Variants in ZNF639 observed in about 807,000 individuals in gnomAD.
ZNF639 encodes zinc finger protein 639, also known as zinc finger amplified in esophageal squamous cell carcinomas 1.
In ZNF639, 20 loss-of-function variants were observed where a neutral mutation model predicts 39.8. That is an observed-to-expected ratio of 0.50 (90% CI 0.35 to 0.73). ZNF639 has a LOEUF of 0.73. Among genes scored for constraint, ZNF639 ranks in the 30% least tolerant of loss-of-function variants. The pLI is 0.00. For synonymous variants in ZNF639, 176 were observed against 189.8 expected, an observed-to-expected ratio of 0.93 and a Z score of 0.60; for missense variants, 477 against 566.2, an observed-to-expected ratio of 0.84 and a Z score of 1.60.
rs909602304 is a variant in ZNF639, at chr3:179,334,638, A to G, written c.*216A>G. On this transcript the variant is annotated 3_prime_UTR_variant, in exon 6 of 6. Coordinates refer to ENST00000496856, the MANE Select transcript of ZNF639 (RefSeq NM_001303426.2). ...AATTGCGTGATAGTTTGTAGTTTCA[A>G]CCACTCTTGGTGACTGTCATCCTGT... 7.0e-5 allele frequency: 21 copies of G among 298,980 alleles called. No homozygotes were observed. The highest frequency in any genetic ancestry group is 1.1e-4 in the South Asian group (1 of 9,076). The allele number at this position is 298,980 out of a possible 1,614,324, so 18.5% of individuals were successfully genotyped here.
In ZNF639 at chr3:179,334,268, A is replaced by G. The variant is rs1728095061; in HGVS notation, c.1304A>G (p.Tyr435Cys). The stretch of plus-strand genomic sequence containing the variant: ...TCTGAAGGGATTTATTTATGTCAAT[A>G]TTGTGAATATTCAACAGGACAAATT... Reference protein sequence around the residue: ...HLSEGIYLCQYCEYSTGQIED... With the variant: ...HLSEGIYLCQCCEYSTGQIED... The change falls in exon 6 of 6, where the codon TAT becomes TGT. Residue 435 changes from tyrosine (Y) to cysteine (C), a missense_variant. Physicochemically the swap from Tyr to Cys is radical, Grantham distance 194. Transcript: ENST00000496856. 1.2e-6 allele frequency: 2 copies of G among 1,612,852 alleles called. No homozygotes were observed. Among genetic ancestry groups the G allele is most frequent in the Non-Finnish European group, 1.7e-6 (2 of 1,179,318 alleles).
chr3:179,324,701 A>G (rs747240351), intron 1 of ZNF639, among the ~76,000 whole-genome samples: 3 of 152,196 alleles, frequency 2.0e-5, no homozygotes, highest in Non-Finnish European at 4.4e-5. Flanking sequence ...CCTCTCACCT[A>G]ACAGCCTGAA....
rs1465059840 is a variant in ZNF639 at position 179,332,998 on chromosome 3, C to G, written c.179C>G (p.Ser60Cys). 6.5e-7 allele frequency: 1 copy of G among 1,548,148 alleles called. No homozygotes were observed. Among genetic ancestry groups the G allele is most frequent in the Non-Finnish European group, 8.7e-7 (1 of 1,146,222 alleles). The change falls in exon 5 of 6, where the codon TCT becomes TGT. Residue 60 changes from serine (S) to cysteine (C), a missense_variant. Transcript: ENST00000496856. ...AAATCCCTTTTTACAGATGATGATTCTGATACCGAGACGTCAAATGACTTG... is the reference window on the plus strand; with the variant it reads ...AAATCCCTTTTTACAGATGATGATTGTGATACCGAGACGTCAAATGACTTG... ...LKYFDNKDDD[S>C]DTETSNDLPK...
At chr3:179,331,642 G>A (rs1727915040) in intron 4 of ZNF639, among the ~76,000 whole-genome samples, 2 of 152,044 alleles carry the variant, frequency 1.3e-5, no homozygotes, top group African/African-American at 4.8e-5. Flanking sequence ...GGGCGTGGTG[G>A]TGCGTGCCTG....
At chr3:179,330,203 G>C (rs1727830839) in intron 4 of ZNF639, 1 of 152,118 alleles carries the variant, frequency 6.6e-6, no homozygotes, top group Non-Finnish European at 1.5e-5. Context: ...GAGCCACCGT[G>C]CCCGGCTGTA....
At chr3:179,325,201 A>C (rs967697688) in intron 1 of ZNF639, 4 of 152,318 alleles carry the variant, frequency 2.6e-5, no homozygotes, top group African/African-American at 9.7e-5. Context: ...TTGTATTTTC[A>C]GTCGAGACGG....
At chr3:179,324,381 G>C (rs1727464909) in intron 1 of ZNF639, among the ~76,000 whole-genome samples, 1 of 152,110 alleles carries the variant, frequency 6.6e-6, no homozygotes, top group Non-Finnish European at 1.5e-5. Flanking sequence ...TTTCTGCAGT[G>C]ACACGTGTTA....
chr3:179,329,909 C>CTTTTTTTTTTTTTTT (rs71181282), intron 4 of ZNF639, 181 bp downstream of exon 4: 1 of 201,806 alleles, frequency 5.0e-6, no homozygotes, highest in African/African-American at 3.4e-5. Context: ...TTTAACTATT[C>CTTTTTTTTTTTTTTT]TTTTTTTTTT....
In ZNF639 at chr3:179,324,175, G is replaced by A. The variant is rs181074587; in HGVS notation, c.-83+884G>A. Among the ~76,000 whole-genome samples, 147 of 152,268 alleles carry A rather than the reference G, an allele frequency of 9.7e-4. 1 individual carries two copies. Among genetic ancestry groups the A allele is most frequent in the African/African-American group, 3.4e-3 (140 of 41,554 alleles). On this transcript the variant is annotated intron_variant, in intron 1 of 5. Transcript: ENST00000496856. ...TAAAAATGGAGTTATTTACTGTAAA[G>A]ACGTCTTACAGCAATTAGGAAGAAT...
chr3:179,324,385 C>T (rs1471159353), intron 1 of ZNF639, among the ~76,000 whole-genome samples: 2 of 151,956 alleles, frequency 1.3e-5, no homozygotes, highest in East Asian at 1.9e-4. Flanking sequence ...TGCAGTGACA[C>T]GTGTTACATA....
At chr3:179,324,467 G>A (rs1727471677) in intron 1 of ZNF639, among the ~76,000 whole-genome samples, 2 of 152,214 alleles carry the variant, frequency 1.3e-5, no homozygotes, top group Admixed American at 1.3e-4. Flanking sequence ...CTGCTAAGAA[G>A]ACTAGTGAGC....
rs933711941 is a variant in ZNF639, at chr3:179,328,216, G to C, written c.-11-67G>C. On this transcript the variant is annotated intron_variant, in intron 2 of 5. Coordinates refer to ENST00000496856, the MANE Select transcript of ZNF639 (RefSeq NM_001303426.2). ...ATATTGCCAATAAATTCTTCAGTTA[G>C]AATTTTTATAACGTCATTAACAGTT... 3.3e-6 allele frequency: 3 copies of C among 912,770 alleles called. No homozygotes were observed. In the East Asian group the frequency reaches 8.0e-5, roughly 24 times the overall value. 56.5% of individuals were successfully genotyped at this position (912,770 alleles called of 1,614,324 possible). A position where few individuals can be genotyped will look rare whatever the true frequency, so the allele number is the denominator to read the frequency against.
rs930538131 is a variant in ZNF639, at chr3:179,337,877, C to T, written c.*3455C>T. 2 of 152,102 alleles carry T rather than the reference C, an allele frequency of 1.3e-5. No homozygotes were observed. The highest frequency in any genetic ancestry group is 6.6e-5 in the Admixed American group (1 of 15,234). The allele number at this position is 152,102 out of a possible 1,614,324, so 9.4% of individuals were successfully genotyped here. On this transcript the variant is annotated 3_prime_UTR_variant, in exon 6 of 6. Transcript: ENST00000496856. ...CTGCCTCCCGGGTTTAAGCAATTCTCCTGCCTCAGCCTCCCGAGTAGCTGG... is the reference window on the plus strand; with the variant it reads ...CTGCCTCCCGGGTTTAAGCAATTCTTCTGCCTCAGCCTCCCGAGTAGCTGG...
At chr3:179,326,528 T>C (rs1358195971) in intron 1 of ZNF639, among the ~76,000 whole-genome samples, 1 of 152,192 alleles carries the variant, frequency 6.6e-6, no homozygotes, top group African/African-American at 2.4e-5. Flanking sequence ...TACGATTACA[T>C]AGGATTAAAT....
rs1297407202 is a variant in ZNF639 at position 179,335,721 on chromosome 3, C to G, written c.*1299C>G. ...TGTCCTTGGCTTGTAGATGGATAGC[C>G]TCATGTTCACATGGTGTTCTCCCTG... On this transcript the variant is annotated 3_prime_UTR_variant, in exon 6 of 6. Transcript: ENST00000496856. 1.3e-5 allele frequency: 2 copies of G among 150,150 alleles called. No individual in the cohort carries two copies. Among genetic ancestry groups the G allele is most frequent in the Non-Finnish European group, 2.9e-5 (2 of 67,898 alleles). 9.3% of individuals were successfully genotyped at this position (150,150 alleles called of 1,614,324 possible).
chr3:179,332,572 T>C (rs1727975976), intron 4 of ZNF639, among the ~76,000 whole-genome samples: 1 of 152,214 alleles, frequency 6.6e-6, no homozygotes, highest in Admixed American at 6.5e-5. Flanking sequence ...GAGTGAGCCA[T>C]GATCATGCCA....
chr3:179,328,802 G>A (rs1727741883), intron 3 of ZNF639, among the ~76,000 whole-genome samples: 2 of 139,630 alleles, frequency 1.4e-5, no homozygotes, highest in Non-Finnish European at 1.5e-5. Flanking sequence ...TTGAGACAGA[G>A]TCTCACTCTC....
chr3:179,323,509 C>T (rs961790711), intron 1 of ZNF639, among the ~76,000 whole-genome samples: 1 of 152,320 alleles, frequency 6.6e-6, no homozygotes, highest in South Asian at 2.1e-4. Flanking sequence ...CCCCTCGGCC[C>T]CCTGCTGCCG....
chr3:179,338,286 T>G lies in ZNF639; in HGVS notation c.*3864T>G, dbSNP rs1360367919. 2 of 152,168 alleles carry G rather than the reference T, an allele frequency of 1.3e-5. No individual in the cohort carries two copies. The highest frequency in any genetic ancestry group is 2.4e-5 in the African/African-American group (1 of 41,438). The allele number at this position is 152,168 out of a possible 1,614,324, so 9.4% of individuals were successfully genotyped here. The stretch of plus-strand genomic sequence containing the variant: ...CGCAGCAGTGAACAGTAGTGACAGG[T>G]CATTATGTTTTTCTTGCTGTTTTAA... On this transcript the variant is annotated 3_prime_UTR_variant, in exon 6 of 6. Coordinates refer to ENST00000496856, the MANE Select transcript of ZNF639 (RefSeq NM_001303426.2).
Sources: gnomAD v4.1 joint callset for allele counts (sites outside exome capture counted in the v4.1 genomes callset) on GRCh38, gnomAD v4.1.1 for gene constraint, MANE v1.5 for transcripts, NCBI Gene and HGNC (gene_info 2026-07-23, HGNC 2026-07-21) for gene names.